EPPK1: variants seen among roughly 807,000 people sequenced by gnomAD.
The protein encoded by EPPK1 is epiplakin.
For missense variants in EPPK1, 3,823 were observed against 3,673.3 expected (o/e 1.04, Z -1.05); for synonymous variants, 1,862 against 1,721.2 (o/e 1.08, Z -2.03).
Position 143,868,138 on chromosome 8 carries a change from G to T in EPPK1, c.5116C>A (p.Arg1706Ser), listed in dbSNP as rs373007257. The T allele has an allele frequency of 1.9e-6, 3 of 1,613,144 alleles. No individual in the cohort carries two copies. Among genetic ancestry groups the T allele is most frequent in the Non-Finnish European group, 2.5e-6 (3 of 1,180,054 alleles). ...ATCTCCTCGTCGAAGTAGCCGCAGC[G>T]GTAGGCCACGTCCACGGGCACGCGG... is the stretch of plus-strand genomic sequence containing the variant. ...SHRVPVDVAY[R>S]CGYFDEEMNR... The change falls in exon 2 of 2, where the codon CGC becomes AGC. Residue 1706 changes from arginine to serine, a missense_variant. Physicochemically the swap from Arg to Ser is moderately radical, Grantham distance 110 (BLOSUM62 -1). Coordinates refer to ENST00000615648, the MANE Select transcript of EPPK1 (RefSeq NM_031308.4).
At position 143,867,136 on chromosome 8, in the gene EPPK1, T is replaced by C. The variant is rs782724618; in HGVS notation, c.6118A>G (p.Ile2040Val). 2 of 1,612,738 alleles carry C rather than the reference T, an allele frequency of 1.2e-6. No homozygotes were observed. The highest frequency in any genetic ancestry group is 1.7e-6 in the Non-Finnish European group (2 of 1,179,750). ...AYRRGCLHKDIYALISDQKHM... is the reference protein window; with the variant it reads ...AYRRGCLHKDVYALISDQKHM... ...TTCTGGTCGGAAATGAGCGCATAGATGTCCTTGTGCAGACAGCCCCGTCTG... is the reference window on the plus strand; with the variant it reads ...TTCTGGTCGGAAATGAGCGCATAGACGTCCTTGTGCAGACAGCCCCGTCTG... Residue 2040 changes from isoleucine to valine, a missense_variant, in exon 2 of 2, where the codon ATC becomes GTC. Ile to Val is a conservative substitution (Grantham distance 29). Transcript: ENST00000615648.
chr8:143,878,582 C>A (rs1245949153), upstream of EPPK1: 1 of 150,986 alleles, frequency 6.6e-6, no homozygotes, highest in Non-Finnish European at 1.5e-5. Context: ...GTGCCGGAAA[C>A]CCCGCGCGGC....
intron 1 of EPPK1, among the ~76,000 whole-genome samples, chr8:143,874,269 C>T (rs1436992376): frequency 6.6e-6 from 1 of 152,254 alleles, no homozygotes; most frequent in Non-Finnish European, 1.5e-5. Flanking sequence ...ACTGCCTCCA[C>T]CCAGGCCTGT....
Position 143,867,554 on chromosome 8 carries a change from C to T in EPPK1, c.5700G>A (p.Ala1900=), listed in dbSNP as rs775059124. 1.1e-5 allele frequency: 18 copies of T among 1,612,642 alleles called. No individual in the cohort carries two copies. The highest frequency in any genetic ancestry group is 1.6e-4 in the Middle Eastern group (1 of 6,084). Residue 1900 remains alanine, a synonymous_variant, in exon 2 of 2, where the codon GCG becomes GCA. Coordinates refer to ENST00000615648, the MANE Select transcript of EPPK1 (RefSeq NM_031308.4). ...KPYLEGSGCI[A]GVTVPSTREV... ...CCCTGGTGGAGGGCACCGTGACCCCCGCAATGCAGCCGCTGCCTTCCAGAT... is the reference window on the plus strand; with the variant it reads ...CCCTGGTGGAGGGCACCGTGACCCCTGCAATGCAGCCGCTGCCTTCCAGAT...
At position 143,869,950 on chromosome 8, in the gene EPPK1, A is replaced by G; in HGVS notation, c.3304T>C (p.Cys1102Arg). 6.2e-7 allele frequency: 1 copy of G among 1,607,008 alleles called. No homozygotes were observed. The highest frequency in any genetic ancestry group is 2.2e-5 in the East Asian group (1 of 44,760). ...AGGCCAGAAGTCTCATCCCTGGGGC[A>G]CTCCTCCAGGAGCTGGGCATAGCTC... is the stretch of plus-strand genomic sequence containing the variant. ...RTSYAQLLEE[C>R]PRDETSGLHL... The change falls in exon 2 of 2, where the codon TGC (cysteine) becomes CGC (arginine). Residue 1102 changes from cysteine (C) to arginine (R), a missense_variant. Coordinates refer to ENST00000615648, the MANE Select transcript of EPPK1 (RefSeq NM_031308.4).
chr8:143,872,196 TG>T lies in EPPK1; in HGVS notation c.1057del (p.His353MetfsTer11). The T allele has an allele frequency of 6.2e-7, 1 of 1,602,372 alleles. No individual in the cohort carries two copies. The highest frequency in any genetic ancestry group is 8.5e-7 in the Non-Finnish European group (1 of 1,174,790). On this transcript the variant is annotated frameshift_variant, in exon 2 of 2. Coordinates refer to ENST00000615648, the MANE Select transcript of EPPK1 (RefSeq NM_031308.4). LOFTEE classifies it low-confidence loss of function (END_TRUNC). ...VRAGLVSPEL[H>X]EQLLVAEQAV... is the part of the protein sequence containing the mutation. Reference sequence around the variant, plus strand: ...CTGCTCGGCCACCAGGAGCTGCTCATGGAGCTCTGGGCTGACCAGGCCCGCC... The same window carrying T: ...CTGCTCGGCCACCAGGAGCTGCTCATGAGCTCTGGGCTGACCAGGCCCGCC...
At chr8:143,876,400 C>T (rs1031732632) in intron 1 of EPPK1, among the ~76,000 whole-genome samples, 9 of 152,208 alleles carry the variant, frequency 5.9e-5, no homozygotes, top group African/African-American at 1.9e-4. Flanking sequence ...CTTGTTTCTG[C>T]ACTTCCCCAG....
Position 143,866,206 on chromosome 8 carries a change from C to A in EPPK1, c.7048G>T (p.Asp2350Tyr). The part of the protein sequence containing the change: ...EAQIATGGVI[D>Y]PVHSHRVPVD... ...GGCACGCGGTGGCTGTGCACGGGGTCGATGACGCCGCCCGTGGCGATCTGG... is the reference window on the plus strand; with the variant it reads ...GGCACGCGGTGGCTGTGCACGGGGTAGATGACGCCGCCCGTGGCGATCTGG... Residue 2350 changes from aspartate to tyrosine, a missense_variant, in exon 2 of 2, where the codon GAC becomes TAC. Physicochemically the swap from Asp to Tyr is radical, Grantham distance 160. Coordinates refer to ENST00000615648, the MANE Select transcript of EPPK1 (RefSeq NM_031308.4). 1.6e-5 allele frequency: 7 copies of A among 443,954 alleles called. No individual in the cohort carries two copies. The highest frequency in any genetic ancestry group is 2.6e-5 in the Non-Finnish European group (7 of 265,466). 27.5% of individuals were successfully genotyped at this position (443,954 alleles called of 1,614,324 possible).
At chr8:143,877,965 C>T (rs1423634062) in intron 1 of EPPK1, among the ~76,000 whole-genome samples, 4 of 152,124 alleles carry the variant, frequency 2.6e-5, no homozygotes, top group Admixed American at 1.3e-4. Flanking sequence ...GCAGCTTCCC[C>T]GGATCCGTGA....
rs533147588 is a variant in EPPK1, at chr8:143,876,897, G to A, written c.-46+1541C>T. Among the ~76,000 whole-genome samples, 7 of 152,348 alleles carry A rather than the reference G, an allele frequency of 4.6e-5. No individual in the cohort carries two copies. In the South Asian group the frequency reaches 1.4e-3, roughly 32 times the overall value. On this transcript the variant is annotated intron_variant, in intron 1 of 1. Transcript: ENST00000615648. Reference sequence around the variant, plus strand: ...GGCAGGGCCAGCGAGGGCGGGGCAGGGCCAGTGAGGGTGGGGACAGCACCT... The same window carrying A: ...GGCAGGGCCAGCGAGGGCGGGGCAGAGCCAGTGAGGGTGGGGACAGCACCT...
chr8:143,867,489 A>G lies in EPPK1; in HGVS notation c.5765T>C (p.Ile1922Thr). 1 of 1,612,576 alleles carries G rather than the reference A, an allele frequency of 6.2e-7. No homozygotes were observed. The highest frequency in any genetic ancestry group is 8.5e-7 in the Non-Finnish European group (1 of 1,179,838). Residue 1922 changes from isoleucine (I) to threonine (T), a missense_variant, in exon 2 of 2, where the codon ATC becomes ACC. Transcript: ENST00000615648. ...SLHEASRKEL[I>T]PAAFATWLLE... Reference sequence around the variant, plus strand: ...CAGCCAAGTCGCAAATGCTGCAGGGATGAGCTCCTTCCTGCTGGCCTCATG... The same window carrying G: ...CAGCCAAGTCGCAAATGCTGCAGGGGTGAGCTCCTTCCTGCTGGCCTCATG...
At chr8:143,878,375 GC>G (rs1208148338) in intron 1 of EPPK1, 62 bp downstream of exon 1, 9 of 124,728 alleles carry the variant, frequency 7.2e-5, no homozygotes, top group East Asian at 6.6e-4. Context: ...CGCCGCACCT[GC>G]CCGCACCCGC....
chr8:143,870,953 G>A lies in EPPK1; in HGVS notation c.2301C>T (p.Phe767=), dbSNP rs1819325969. 2 of 1,613,528 alleles carry A rather than the reference G, an allele frequency of 1.2e-6. No homozygotes were observed. The highest frequency in any genetic ancestry group is 2.7e-5 in the African/African-American group (2 of 75,050). The change falls in exon 2 of 2, where the codon TTC becomes TTT. Residue 767 remains phenylalanine (F), a synonymous_variant. Coordinates refer to ENST00000615648, the MANE Select transcript of EPPK1 (RefSeq NM_031308.4). This position sits in a 1 kb window ranked among gnomAD's most constrained non-coding sequence, Gnocchi z 5.2. ...GGTTCTCGTGCGTGTTGGGGTCGAA[G>A]AAGCCCTTGGTGTCGTCAGAAGGGT... ...LLDPSDDTKG[F]FDPNTHENLT...
chr8:143,866,809 G>T lies in EPPK1; in HGVS notation c.6445C>A (p.Arg2149=), dbSNP rs903983896. ...LVRMYRTHTR[R]ALQTVAQLIL... is the part of the protein sequence containing the mutation. ...AGCTGCGCTACCGTCTGCAGTGCCC[G>T]TCTGGTGTGTGTTCTATACATCCTC... Residue 2149 remains arginine (R), a synonymous_variant, in exon 2 of 2, where the codon CGG becomes AGG. Coordinates refer to ENST00000615648, the MANE Select transcript of EPPK1 (RefSeq NM_031308.4). The T allele has an allele frequency of 2.5e-6, 4 of 1,613,442 alleles. No homozygotes were observed. The highest frequency in any genetic ancestry group is 3.4e-6 in the Non-Finnish European group (4 of 1,179,846).
In EPPK1 at chr8:143,867,179, G is replaced by A. The variant is rs1175482200; in HGVS notation, c.6075C>T (p.Leu2025=). The A allele has an allele frequency of 6.2e-7, 1 of 1,612,718 alleles. No homozygotes were observed. Among genetic ancestry groups the A allele is most frequent in the Non-Finnish European group, 8.5e-7 (1 of 1,179,740 alleles). Residue 2025 remains leucine (L), a synonymous_variant, in exon 2 of 2, where the codon CTC becomes CTT. Coordinates refer to ENST00000615648, the MANE Select transcript of EPPK1 (RefSeq NM_031308.4). Reference sequence around the variant, plus strand: ...CCCGTCTGTAGGCTGTTTCCAGTGGGAGCCGGTGGTGGTGCTGTGGGTCGA... The same window carrying A: ...CCCGTCTGTAGGCTGTTTCCAGTGGAAGCCGGTGGTGGTGCTGTGGGTCGA... ...GVIDPQHHHR[L]PLETAYRRGC...
chr8:143,870,527 C>T lies in EPPK1; in HGVS notation c.2727G>A (p.Gly909=). ...DQQLLDQVLA[G]TISPEALLLM... ...GTAGGAGGGCCTCCGGGCTGATTGT[C>T]CCGGCCAGCACTTGGTCCAACAGCT... The change falls in exon 2 of 2, where the codon GGG becomes GGA. Residue 909 remains glycine (G), a synonymous_variant. Coordinates refer to ENST00000615648, the MANE Select transcript of EPPK1 (RefSeq NM_031308.4). The surrounding 1 kb of genome is among the most constrained non-coding windows in gnomAD (Gnocchi z 5.2). 1 of 1,610,152 alleles carries T rather than the reference C, an allele frequency of 6.2e-7. No individual in the cohort carries two copies. Among genetic ancestry groups the T allele is most frequent in the Non-Finnish European group, 8.5e-7 (1 of 1,178,390 alleles).
chr8:143,868,102 G>C lies in EPPK1; in HGVS notation c.5152C>G (p.Leu1718Val), dbSNP rs782179842. The C allele has an allele frequency of 1.2e-6, 2 of 1,613,386 alleles. No homozygotes were observed. The highest frequency in any genetic ancestry group is 1.7e-6 in the Non-Finnish European group (2 of 1,180,026). Residue 1718 changes from leucine to valine, a missense_variant, in exon 2 of 2, where the codon CTG (leucine) becomes GTG (valine). Transcript: ENST00000615648. ...GYFDEEMNRI[L>V]ADPSDDTKGF... ...TTGGTGTCGTCGCTGGGGTCCGCCAGGATGCGGTTCATCTCCTCGTCGAAG... is the reference window on the plus strand; with the variant it reads ...TTGGTGTCGTCGCTGGGGTCCGCCACGATGCGGTTCATCTCCTCGTCGAAG...
rs1819273813 is a variant in EPPK1 at position 143,869,738 on chromosome 8, C to T, written c.3516G>A (p.Val1172=). Reference sequence around the variant, plus strand: ...TCTGCACAGAGGCTAGCAGCTGTGGCACAGTGGTCCTCCCCTCCTGCACGT... The same window carrying T: ...TCTGCACAGAGGCTAGCAGCTGTGGTACAGTGGTCCTCCCCTCCTGCACGT... ...LEDVQEGRTT[V]PQLLASVQRW... The change falls in exon 2 of 2, where the codon GTG becomes GTA. Residue 1172 remains valine (V), a synonymous_variant. Transcript: ENST00000615648. The T allele has an allele frequency of 1.9e-6, 3 of 1,600,730 alleles. No individual in the cohort carries two copies. Among genetic ancestry groups the T allele is most frequent in the Non-Finnish European group, 2.6e-6 (3 of 1,174,612 alleles).
In EPPK1 at chr8:143,866,783, G is replaced by T. The variant is rs372454862; in HGVS notation, c.6471C>A (p.Leu2157=). 77 of 1,613,490 alleles carry T rather than the reference G, an allele frequency of 4.8e-5. No homozygotes were observed. In the African/African-American group the frequency reaches 8.1e-4, roughly 17 times the overall value. The change falls in exon 2 of 2, where the codon CTC becomes CTA. Residue 2157 remains leucine (L), a synonymous_variant. Transcript: ENST00000615648. ...TRRALQTVAQ[L]ILELIEKQET... ...CCTGCTTCTCGATCAACTCTAAGATGAGCTGCGCTACCGTCTGCAGTGCCC... is the reference window on the plus strand; with the variant it reads ...CCTGCTTCTCGATCAACTCTAAGATTAGCTGCGCTACCGTCTGCAGTGCCC...
Sources: gnomAD v4.1 joint callset for allele counts (sites outside exome capture counted in the v4.1 genomes callset) on GRCh38, gnomAD v4.1.1 for gene constraint, Gnocchi (gnomAD v3.1) non-coding constraint, MANE v1.5 for transcripts, NCBI Gene and HGNC (gene_info 2026-07-23, HGNC 2026-07-21) for gene names.